TTC7A: variants seen among roughly 807,000 people sequenced by gnomAD.
TTC7A encodes tetratricopeptide repeat domain 7A.
TTC7A carries 110 observed loss-of-function variants against 103.7 expected under a neutral mutation model. The ratio of observed to expected loss-of-function variants is 1.06; its 90% CI spans 0.91 to 1.24. The LOEUF (loss-of-function observed/expected upper bound fraction) is 1.24. Ranked by LOEUF, TTC7A falls within the 50% of genes most tolerant of loss-of-function variation. The probability of loss-of-function intolerance (pLI) is 0.00; values close to 1 mark genes in which losing one functional copy is unlikely to be tolerated. For missense variants in TTC7A, 1,340 were observed against 1,116.3 expected, an observed-to-expected ratio of 1.20 and a Z score of -2.86; for synonymous variants, 521 against 467.9, an observed-to-expected ratio of 1.11 and a Z score of -1.47.
At chr2:47,017,360 C>T (rs919650001) in intron 11 of TTC7A, among the ~76,000 whole-genome samples, 1 of 151,258 alleles carries the variant, frequency 6.6e-6, no homozygotes, top group Non-Finnish European at 1.5e-5. Flanking sequence ...CTCATCTCTA[C>T]AAAAAATAAA....
At chr2:47,069,210 G>A (rs889485034) in intron 19 of TTC7A, among the ~76,000 whole-genome samples, 8 of 152,276 alleles carry the variant, frequency 5.3e-5, no homozygotes, top group African/African-American at 1.7e-4. Flanking sequence ...ACTGGCCAGA[G>A]GAGACGGCTG....
intron 18 of TTC7A, among the ~76,000 whole-genome samples, chr2:47,058,822 G>C (rs1445475037): frequency 6.6e-6 from 1 of 152,080 alleles, no homozygotes; most frequent in Non-Finnish European, 1.5e-5. Flanking sequence ...TGTGGGGGCT[G>C]GCCTGGGTTG....
At chr2:46,949,109 C>T (rs1250055324) in intron 1 of TTC7A, among the ~76,000 whole-genome samples, 1 of 152,198 alleles carries the variant, frequency 6.6e-6, no homozygotes, top group Non-Finnish European at 1.5e-5. Flanking sequence ...GACCTCAGAC[C>T]CTGCACACTG....
intron 2 of TTC7A, among the ~76,000 whole-genome samples, chr2:46,952,765 A>T (rs1171784166): frequency 2.6e-5 from 4 of 152,240 alleles, no homozygotes; most frequent in Admixed American, 2.6e-4. Context: ...CACACAAAAA[A>T]AGTTCTTGTT....
intron 18 of TTC7A, among the ~76,000 whole-genome samples, chr2:47,052,597 C>G (rs909293256): frequency 6.6e-6 from 1 of 152,082 alleles, no homozygotes. Flanking sequence ...GGGAGGGACT[C>G]GCTGCCAAGA....
At chr2:47,060,063 T>TAGGAGGATTGCTTGAGCC (rs1683640059) in intron 18 of TTC7A, among the ~76,000 whole-genome samples, 1 of 151,732 alleles carries the variant, frequency 6.6e-6, no homozygotes, top group Non-Finnish European at 1.5e-5. Flanking sequence ...GAGACTGAGG[T>TAGGAGGATTGCTTGAGCC]AGGAGGATTG....
intron 7 of TTC7A, 137 bp from the exon 8 acceptor site, chr2:46,994,999 G>A: frequency 1.3e-6 from 1 of 758,366 alleles, no homozygotes; most frequent in South Asian, 1.6e-5. Flanking sequence ...ATGGTATCCG[G>A]TGCCCATGAA....
chr2:47,003,202 A>G (rs573913290), intron 8 of TTC7A, among the ~76,000 whole-genome samples: 1 of 151,690 alleles, frequency 6.6e-6, no homozygotes, highest in Non-Finnish European at 1.5e-5. Flanking sequence ...GGTTGAGTCA[A>G]GTTCTGTGCG....
intron 14 of TTC7A, 59 bp from the exon 15 acceptor site, chr2:47,029,162 GCTC>G: frequency 6.3e-7 from 1 of 1,587,608 alleles, no homozygotes; most frequent in Non-Finnish European, 8.6e-7. Flanking sequence ...CTGGCACGTG[GCTC>G]CTGAGTCCCA....
At position 46,931,692 on chromosome 2, in the gene TTC7A, TAATAAATAAATA is replaced by T. The variant is rs10524721; in HGVS notation, c.82+14438_82+14449del. Among the ~76,000 whole-genome samples, 44 of 148,644 alleles carry T rather than the reference TAATAAATAAATA, an allele frequency of 3.0e-4. 1 individual carries two copies. The highest frequency in any genetic ancestry group is 2.6e-3 in the East Asian group (13 of 5,006). On this transcript the variant is annotated intron_variant, in intron 2 of 20. Coordinates refer to the TTC7A transcript ENST00000409245. ...TGGGGGAAAAAACAAAAACAGACAATAATAAATAAATAAATAAATAAATAAATAAATAAAATT... is the reference window on the plus strand; with the variant it reads ...TGGGGGAAAAAACAAAAACAGACAATAATAAATAAATAAATAAATAAAATT...
At chr2:47,035,797 G>A (rs1032376880) in intron 15 of TTC7A, among the ~76,000 whole-genome samples, 3 of 152,216 alleles carry the variant, frequency 2.0e-5, no homozygotes, top group Non-Finnish European at 4.4e-5. Flanking sequence ...TAGCAGGGGA[G>A]GCCCAGCCCC....
chr2:47,029,917 C>T (rs1451590361), intron 15 of TTC7A, among the ~76,000 whole-genome samples: 1 of 152,214 alleles, frequency 6.6e-6, no homozygotes, highest in African/African-American at 2.4e-5. Context: ...TTGCACTTGG[C>T]CTAAGTGGTG....
intron 3 of TTC7A, among the ~76,000 whole-genome samples, chr2:46,967,273 G>A (rs993830131): frequency 2.6e-5 from 4 of 152,026 alleles, no homozygotes; most frequent in Admixed American, 6.6e-5. Flanking sequence ...ACTTTTAAGC[G>A]TACAGTTCGG....
At chr2:47,069,295 G>A (rs868691714) in intron 19 of TTC7A, among the ~76,000 whole-genome samples, 1 of 152,178 alleles carries the variant, frequency 6.6e-6, no homozygotes, top group East Asian at 1.9e-4. Context: ...GCCCCTGGCC[G>A]CTGGTCCCTG....
rs111657644 is a variant in TTC7A, at chr2:47,073,925, G to A, written c.*2G>A. 2.7e-5 allele frequency: 44 copies of A among 1,607,934 alleles called. No homozygotes were observed. Among genetic ancestry groups the A allele is most frequent in the African/African-American group, 4.0e-5 (3 of 74,816 alleles). On this transcript the variant is annotated 3_prime_UTR_variant, in exon 20 of 20. Coordinates refer to ENST00000319190, the MANE Select transcript of TTC7A (RefSeq NM_020458.4). ...TCCATCATCCCCAGAGAGCTCTGAC[G>A]ACGCTGCAGCCGCAGGGAGGGAGGG... is the stretch of plus-strand genomic sequence containing the variant.
In TTC7A at chr2:46,993,503, C is replaced by T; in HGVS notation, c.818C>T (p.Thr273Ile). ...ELREVLRTVETKATQNFKVMA... is the reference protein window; with the variant it reads ...ELREVLRTVEIKATQNFKVMA... ...CGGGAGGTGCTGCGGACTGTGGAGA[C>T]CAAAGCAACTCAGAACTTCAAAGTG... is the stretch of plus-strand genomic sequence containing the variant. Residue 273 changes from threonine to isoleucine, a missense_variant, in exon 6 of 20, where the codon ACC (threonine) becomes ATC (isoleucine). By Grantham distance (89) the Thr-to-Ile change is moderately conservative (BLOSUM62 -1). Transcript: ENST00000319190. 1.9e-6 allele frequency: 3 copies of T among 1,614,100 alleles called. No individual in the cohort carries two copies. The highest frequency in any genetic ancestry group is 2.5e-6 in the Non-Finnish European group (3 of 1,180,018).
chr2:47,019,163 G>T (rs764402314), intron 11 of TTC7A, among the ~76,000 whole-genome samples: 4 of 152,082 alleles, frequency 2.6e-5, no homozygotes, highest in Non-Finnish European at 4.4e-5. Context: ...TAATAGAATT[G>T]ATCATACTTT....
chr2:47,040,691 C>A (rs1681641034), intron 15 of TTC7A, among the ~76,000 whole-genome samples: 2 of 152,218 alleles, frequency 1.3e-5, no homozygotes, highest in African/African-American at 2.4e-5. Flanking sequence ...GGCTTCAAAG[C>A]AGGAGTCCCT....
intron 2 of TTC7A, among the ~76,000 whole-genome samples, chr2:46,926,863 A>G (rs1177964476): frequency 6.6e-6 from 1 of 152,230 alleles, no homozygotes; most frequent in Non-Finnish European, 1.5e-5. Context: ...CTATCTTCAA[A>G]GAAATAAAAG....
Sources: allele counts gnomAD v4.1 joint callset (sites outside exome capture counted in the v4.1 genomes callset), GRCh38; gene constraint gnomAD v4.1.1; transcripts MANE v1.5; gene names NCBI Gene and HGNC (gene_info 2026-07-23, HGNC 2026-07-21).